The following LRRC20 variants were observed in gnomAD, a reference collection of about 807,000 sequenced individuals.
LRRC20 encodes the protein leucine-rich repeat-containing protein 20.
LRRC20 carries 11 observed loss-of-function variants against 14.4 expected under a neutral mutation model. The observed-to-expected ratio is 0.77, with a 90% CI of 0.48 to 1.27. The LOEUF is 1.27. Among genes scored for constraint, LRRC20 ranks in the 50% most tolerant of loss-of-function variants. The probability of loss-of-function intolerance (pLI) is 0.00; values close to 1 mark genes in which losing one functional copy is unlikely to be tolerated. For synonymous variants in LRRC20, 121 were observed against 107.3 expected (o/e 1.13, Z -0.79); for missense variants, 219 against 251.2 (o/e 0.87, Z 0.87).
chr10:70,350,885 T>C (rs114282219), intron 2 of LRRC20, among the ~76,000 whole-genome samples: 6,612 of 152,298 alleles, frequency 0.043, 504 homozygotes, highest in African/African-American at 0.15. Context: ...GCCAAACTTC[T>C]GAGTTAGAAT....
chr10:70,328,348 G>A (rs1842405020), intron 3 of LRRC20, among the ~76,000 whole-genome samples: 1 of 151,872 alleles, frequency 6.6e-6, no homozygotes, highest in Admixed American at 6.6e-5. Context: ...CCAGGCTGGA[G>A]TGCAGTGGTG....
At chr10:70,367,256 G>A (rs569330568) in intron 2 of LRRC20, among the ~76,000 whole-genome samples, 26 of 150,964 alleles carry the variant, frequency 1.7e-4, no homozygotes, top group African/African-American at 4.1e-4. Flanking sequence ...CCCAGGGGGC[G>A]GAGGCTGCAG....
intron 4 of LRRC20, 32 bp downstream of exon 4, chr10:70,323,831 A>C: frequency 6.2e-7 from 1 of 1,611,726 alleles, no homozygotes; most frequent in Non-Finnish European, 8.5e-7. Flanking sequence ...CTCGTGCAGC[A>C]GCCCAGGGCC....
intron 4 of LRRC20, among the ~76,000 whole-genome samples, chr10:70,302,713 C>CTT (rs766170383): frequency 2.9e-5 from 4 of 140,150 alleles, no homozygotes; most frequent in East Asian, 2.1e-4. Context: ...GTCTCTATTT[C>CTT]TTTTTTTTTT....
At chr10:70,310,065 A>C (rs890339778) in intron 4 of LRRC20, among the ~76,000 whole-genome samples, 15 of 152,240 alleles carry the variant, frequency 9.9e-5, no homozygotes, top group African/African-American at 3.6e-4. Context: ...CTTTCCCCTA[A>C]TTTAACCGCA....
chr10:70,382,193 G>A (rs998289782), intron 1 of LRRC20, among the ~76,000 whole-genome samples: 2 of 152,242 alleles, frequency 1.3e-5, no homozygotes, highest in African/African-American at 4.8e-5. Context: ...ATGCACAGCA[G>A]CCTCTCCAAG....
At chr10:70,314,569 T>C (rs1422295585) in intron 4 of LRRC20, among the ~76,000 whole-genome samples, 5 of 152,156 alleles carry the variant, frequency 3.3e-5, no homozygotes, top group Admixed American at 2.0e-4. Context: ...TAAAAAATCA[T>C]GAAGCCCGAA....
chr10:70,357,951 G>A (rs1843592652), intron 2 of LRRC20, among the ~76,000 whole-genome samples: 1 of 152,230 alleles, frequency 6.6e-6, no homozygotes, highest in Admixed American at 6.5e-5. Flanking sequence ...GCTTGGGCAG[G>A]CCCTGAGGTC....
At chr10:70,368,007 G>GTTATGTTATGCTAT (rs1262121989) in intron 2 of LRRC20, among the ~76,000 whole-genome samples, 1 of 150,020 alleles carries the variant, frequency 6.7e-6, no homozygotes, top group African/African-American at 2.5e-5. Context: ...TTTTTGAGAT[G>GTTATGTTATGCTAT]GAGTCTCGCT....
chr10:70,367,771 CAT>C (rs1417224384), intron 2 of LRRC20, among the ~76,000 whole-genome samples: 1 of 151,838 alleles, frequency 6.6e-6, no homozygotes, highest in Non-Finnish European at 1.5e-5. Context: ...GTTATAAAAA[CAT>C]ATGTTTGTCA....
intron 3 of LRRC20, among the ~76,000 whole-genome samples, chr10:70,333,628 T>G (rs1328047696): frequency 1.3e-5 from 2 of 152,152 alleles, no homozygotes; most frequent in Non-Finnish European, 2.9e-5. Flanking sequence ...TCACAAACAG[T>G]TTGGCCTTTG....
At chr10:70,313,462 C>T (rs1282769522) in intron 4 of LRRC20, among the ~76,000 whole-genome samples, 2 of 152,218 alleles carry the variant, frequency 1.3e-5, no homozygotes, top group African/African-American at 2.4e-5. Flanking sequence ...ATCTAGTTTG[C>T]ACACTGGAAT....
At chr10:70,361,760 A>G (rs552666126) in intron 2 of LRRC20, among the ~76,000 whole-genome samples, 2 of 151,136 alleles carry the variant, frequency 1.3e-5, no homozygotes, top group Non-Finnish European at 2.9e-5. Context: ...CAGACACAGG[A>G]CACAGTAAAT....
intron 4 of LRRC20, among the ~76,000 whole-genome samples, chr10:70,306,665 GT>G (rs887341770): frequency 7.2e-5 from 11 of 151,882 alleles, no homozygotes; most frequent in Admixed American, 1.3e-4. Flanking sequence ...ACTATTGTGT[GT>G]TTTTTTTCTC....
At chr10:70,369,362 C>T (rs1299989821) in intron 2 of LRRC20, among the ~76,000 whole-genome samples, 1 of 152,184 alleles carries the variant, frequency 6.6e-6, no homozygotes. Flanking sequence ...ATGAACTCTG[C>T]TCCCACTCCA....
chr10:70,341,969 G>A (rs1842931523), intron 2 of LRRC20, among the ~76,000 whole-genome samples: 1 of 152,068 alleles, frequency 6.6e-6, no homozygotes, highest in African/African-American at 2.4e-5. Flanking sequence ...GCAGGGGATG[G>A]AGGGTGGGGG....
Position 70,374,351 on chromosome 10 carries a change from C to CTTTTTT in LRRC20, c.82+2095_82+2100dup, listed in dbSNP as rs57167315. On this transcript the variant is annotated intron_variant, in intron 2 of 4. Transcript: ENST00000446961. Reference sequence around the variant, plus strand: ...GCTGTGTCCCTATCCCCTGTGAAGCCTTTTTTTTTTTTTTTTGAGATGGAA... The same window carrying CTTTTTT: ...GCTGTGTCCCTATCCCCTGTGAAGCCTTTTTTTTTTTTTTTTTTTTTTGAGATGGAA... Among the ~76,000 whole-genome samples the CTTTTTT allele has an allele frequency of 5.3e-5, 7 of 133,186 alleles. 3 individuals carry two copies. Among genetic ancestry groups the CTTTTTT allele is most frequent in the Non-Finnish European group, 6.5e-5 (4 of 61,754 alleles). The allele number at this position is 133,186 out of a possible 152,430, so 87.4% of individuals were successfully genotyped here.
intron 4 of LRRC20, among the ~76,000 whole-genome samples, chr10:70,304,738 C>T (rs982954267): frequency 6.6e-6 from 1 of 151,892 alleles, no homozygotes; most frequent in Non-Finnish European, 1.5e-5. Context: ...ACCTGGCAAC[C>T]ACCATGAATT....
chr10:70,371,720 A>T (rs1006884909), intron 2 of LRRC20, among the ~76,000 whole-genome samples: 1 of 152,136 alleles, frequency 6.6e-6, no homozygotes, highest in African/African-American at 2.4e-5. Flanking sequence ...CCTTAGAAAC[A>T]TCGAGAAGAT....
Sources: gnomAD v4.1 joint callset for allele counts (sites outside exome capture counted in the v4.1 genomes callset) on GRCh38, gnomAD v4.1.1 for gene constraint, MANE v1.5 for transcripts, NCBI Gene and HGNC (gene_info 2026-07-23, HGNC 2026-07-21) for gene names.